Variants in SLC5A4 observed in about 807,000 individuals in gnomAD.
SLC5A4 encodes probable glucose sensor protein SLC5A4.
In SLC5A4, 55 loss-of-function variants were observed where a neutral mutation model predicts 70.3. The observed-to-expected ratio is 0.78, with a 90% CI of 0.63 to 0.98. SLC5A4 has a LOEUF of 0.98. Ranked by LOEUF, SLC5A4 falls within the 50% of genes least tolerant of loss-of-function variation. The pLI, the probability that SLC5A4 is intolerant of heterozygous loss-of-function variation, is 0.00. For synonymous variants in SLC5A4, 268 were observed against 305.7 expected, an observed-to-expected ratio of 0.88 and a Z score of 1.29; for missense variants, 735 against 839.2, an observed-to-expected ratio of 0.88 and a Z score of 1.53.
At chr22:32,292,129 G>GACATT in the SLC5A4 span, among the ~76,000 whole-genome samples, 1 of 70,316 alleles carries the variant, frequency 1.4e-5, no homozygotes, top group Non-Finnish European at 2.6e-5. Flanking sequence ...ACATATACTA[G>GACATT]ATATTATATA....
At chr22:32,270,559 C>T in the SLC5A4 span, 1 of 720,104 alleles carries the variant, frequency 1.4e-6, no homozygotes, top group Non-Finnish European at 2.6e-6. Context: ...AACCATATTC[C>T]CGCAGATGGG....
At chr22:32,301,666 A>T in the SLC5A4 span, among the ~76,000 whole-genome samples, 1 of 152,196 alleles carries the variant, frequency 6.6e-6, no homozygotes, top group Non-Finnish European at 1.5e-5. Context: ...TGACAAGCTG[A>T]TCCTGACATT....
At chr22:32,293,947 G>C in the SLC5A4 span, among the ~76,000 whole-genome samples, 3 of 152,010 alleles carry the variant, frequency 2.0e-5, no homozygotes, top group Non-Finnish European at 4.4e-5. Flanking sequence ...TTGTCTTCTA[G>C]TTTCCAGTAC....
At chr22:32,282,820 T>C in the SLC5A4 span, among the ~76,000 whole-genome samples, 196 of 152,332 alleles carry the variant, frequency 1.3e-3, no homozygotes, top group African/African-American at 4.4e-3. Flanking sequence ...TCCTGCACCC[T>C]ACATCCAATC....
intron 7 of SLC5A4, among the ~76,000 whole-genome samples, chr22:32,236,518 T>C (rs1264317714): frequency 5.3e-5 from 8 of 152,230 alleles, no homozygotes; most frequent in Non-Finnish European, 8.8e-5. Flanking sequence ...TATGATTCAG[T>C]TGAACTGACT....
At chr22:32,283,424 C>T in the SLC5A4 span, among the ~76,000 whole-genome samples, 5 of 152,354 alleles carry the variant, frequency 3.3e-5, no homozygotes, top group East Asian at 7.7e-4. Context: ...ACGTGACACA[C>T]TTTAAAGTTG....
At chr22:32,251,149 CAAAAAAAAAAAA>C (rs1169115054) in intron 3 of SLC5A4, among the ~76,000 whole-genome samples, 10 of 22,768 alleles carry the variant, frequency 4.4e-4, no homozygotes, top group Non-Finnish European at 8.4e-4. Flanking sequence ...AACAAATAAG[CAAAAAAAAAAAA>C]AAAAAAAAAA....
chr22:32,228,974 A>G (rs1437927385), intron 11 of SLC5A4, among the ~76,000 whole-genome samples: 2 of 152,218 alleles, frequency 1.3e-5, no homozygotes. Flanking sequence ...GCCATTCAGA[A>G]GCATTTGAAA....
At chr22:32,344,199 G>C in the SLC5A4 span, among the ~76,000 whole-genome samples, 2 of 152,146 alleles carry the variant, frequency 1.3e-5, no homozygotes, top group African/African-American at 4.8e-5. Flanking sequence ...TATCCACAAA[G>C]AAATGTCAGG....
At chr22:32,316,169 T>C in the SLC5A4 span, among the ~76,000 whole-genome samples, 1 of 150,860 alleles carries the variant, frequency 6.6e-6, no homozygotes, top group African/African-American at 2.4e-5. Context: ...ATGATGGTGA[T>C]GGTTGCACTA....
chr22:32,255,386 G>T (rs1927425821), upstream of SLC5A4: 11 of 1,586,138 alleles, frequency 6.9e-6, no homozygotes, highest in East Asian at 1.8e-4. Context: ...ATAAGTTCTG[G>T]GTTAATGATC....
At chr22:32,294,953 T>A in the SLC5A4 span, among the ~76,000 whole-genome samples, 2 of 98,206 alleles carry the variant, frequency 2.0e-5, no homozygotes, top group East Asian at 5.1e-4. Context: ...CTGAGAATGA[T>A]GATTTCCAAT....
At chr22:32,300,922 C>T in the SLC5A4 span, among the ~76,000 whole-genome samples, 13 of 152,106 alleles carry the variant, frequency 8.5e-5, no homozygotes, top group Admixed American at 3.3e-4. Context: ...ATGGAATAAA[C>T]GTGCAGGAGT....
At chr22:32,260,233 C>T (rs1213685401), upstream of SLC5A4, among the ~76,000 whole-genome samples, 1 of 151,944 alleles carries the variant, frequency 6.6e-6, no homozygotes, top group African/African-American at 2.4e-5. Context: ...AGGAAGGGTG[C>T]CCCACTTCCT....
rs1603236511 is a variant in SLC5A4 at position 32,251,983 on chromosome 22, A to G, written c.208-109T>C. The G allele has an allele frequency of 6.8e-6, 5 of 738,880 alleles. No individual in the cohort carries two copies. The East Asian group carries it at 1.3e-4, about 20-fold the overall frequency. The allele number at this position is 738,880 out of a possible 1,614,324, so 45.8% of individuals were successfully genotyped here. On this transcript the variant is annotated intron_variant, in intron 2 of 14. Coordinates refer to ENST00000266086, the MANE Select transcript of SLC5A4 (RefSeq NM_014227.3). ...GGTGGCTCACGCCTGTAATCCCAGC[A>G]CTTTGGGAGGCTGAGGCGGGTGGAT... is the stretch of plus-strand genomic sequence containing the variant.
chr22:32,349,820 TTCTC>T, the SLC5A4 span, among the ~76,000 whole-genome samples: 1 of 152,178 alleles, frequency 6.6e-6, no homozygotes, highest in African/African-American at 2.4e-5. Flanking sequence ...TGTCCTATAT[TTCTC>T]TCTTTTTCTA....
In SLC5A4 at chr22:32,225,840, ATAATT is replaced by A. The variant is rs767619329; in HGVS notation, c.1281-22_1281-18del. ...ACAAATATCCTGAGAAGAAAACAACATAATTTAAACATTAAACAAAAGCACTATAG... is the reference window on the plus strand; with the variant it reads ...ACAAATATCCTGAGAAGAAAACAACATAAACATTAAACAAAAGCACTATAG... On this transcript the variant is annotated intron_variant, in intron 11 of 14. Transcript: ENST00000266086. 1.2e-5 allele frequency: 19 copies of A among 1,568,550 alleles called. No homozygotes were observed. Among genetic ancestry groups the A allele is most frequent in the Non-Finnish European group, 1.6e-5 (18 of 1,150,208 alleles).
At chr22:32,222,116 T>G (rs1186115457) in intron 13 of SLC5A4, among the ~76,000 whole-genome samples, 1 of 152,246 alleles carries the variant, frequency 6.6e-6, no homozygotes, top group Non-Finnish European at 1.5e-5. Flanking sequence ...TCATTTTAAT[T>G]TGGCTCATGA....
At chr22:32,271,795 C>T in the SLC5A4 span, 2 of 598,756 alleles carry the variant, frequency 3.3e-6, no homozygotes, top group Admixed American at 2.1e-5. Context: ...TGAGGATCAG[C>T]GTCCTTCCTG....
Sources: gnomAD v4.1 joint callset for allele counts (sites outside exome capture counted in the v4.1 genomes callset) on GRCh38, gnomAD v4.1.1 for gene constraint, MANE v1.5 for transcripts, NCBI Gene and HGNC (gene_info 2026-07-23, HGNC 2026-07-21) for gene names.